Variants in ANKRD26 observed in about 807,000 individuals in gnomAD.
ANKRD26 encodes the protein ankyrin repeat domain-containing protein 26.
Under a neutral mutation model 208.7 loss-of-function variants are expected in ANKRD26, and 141 were observed. The ratio of observed to expected loss-of-function variants is 0.68; its 90% confidence interval spans 0.59 to 0.78. The LOEUF is 0.78. ANKRD26 is among the 30% of genes least tolerant of loss of function. The pLI, the probability that ANKRD26 is intolerant of heterozygous loss-of-function variation, is 0.00. For synonymous variants in ANKRD26, 636 were observed against 660.4 expected (o/e 0.96, Z 0.57); for missense variants, 1,889 against 1,938.7 (o/e 0.97, Z 0.48).
At chr10:26,970,536 G>A (rs1228069617), downstream of ANKRD26, among the ~76,000 whole-genome samples, 1 of 152,086 alleles carries the variant, frequency 6.6e-6, no homozygotes, top group African/African-American at 2.4e-5. Context: ...TGGAAGCTTC[G>A]TGAGGTCCCC....
rs2052908950 is a variant in ANKRD26, at chr10:27,006,974, C to CTT, written c.4954-13_4954-12insAA. On this transcript the variant is annotated splice_polypyrimidine_tract_variant and intron_variant, in intron 32 of 33. Transcript: ENST00000376087. ...AACTCCTGCTGCATCTGAAAAAAGT[C>CTT]AAATGTTATTTATAATGTTTAAGTT... The CTT allele has an allele frequency of 6.3e-7, 1 of 1,593,444 alleles. No individual in the cohort carries two copies. The highest frequency in any genetic ancestry group is 8.6e-7 in the Non-Finnish European group (1 of 1,163,042).
At chr10:27,073,715 A>C (rs2055588106) in intron 9 of ANKRD26, among the ~76,000 whole-genome samples, 1 of 152,154 alleles carries the variant, frequency 6.6e-6, no homozygotes, top group African/African-American at 2.4e-5. Flanking sequence ...AATACTGGGG[A>C]AAAAAATGTT....
In ANKRD26 at chr10:27,092,597, C is replaced by T. The variant is rs549200042; in HGVS notation, c.532-85G>A. ...AAAACTCTATGTCAGATCCTTTGAA[C>T]TGAAACATATAAAATAGAAAACAAA... On this transcript the variant is annotated intron_variant, in intron 3 of 33. Transcript: ENST00000376087. 4.4e-5 allele frequency: 43 copies of T among 987,562 alleles called. 1 individual carries two copies. In the South Asian group the frequency reaches 5.8e-4, roughly 13 times the overall value. 61.2% of individuals were successfully genotyped at this position (987,562 alleles called of 1,614,324 possible).
rs774410667 is a variant in ANKRD26 at position 26,995,155 on chromosome 10, A to C, written c.563-8T>G. 3.8e-5 allele frequency: 18 copies of C among 471,088 alleles called. No homozygotes were observed. In the Middle Eastern group the frequency reaches 3.2e-3, roughly 84 times the overall value. The allele number at this position is 471,088 out of a possible 1,614,324, so 29.2% of individuals were successfully genotyped here. A position where few individuals can be genotyped will look rare whatever the true frequency, so the allele number is the denominator to read the frequency against. On this transcript the variant is annotated splice_region_variant and splice_polypyrimidine_tract_variant and intron_variant, in intron 4 of 5. Coordinates refer to the ANKRD26 transcript ENST00000445828. ...GGTTTCATCAGAAGGTCCCTGGAAT[A>C]GAGTGGCAGGATTAAGGTAATTACA...
chr10:27,028,914 T>C lies in ANKRD26; in HGVS notation c.3910A>G (p.Thr1304Ala), dbSNP rs748326243. 3.1e-6 allele frequency: 5 copies of C among 1,612,510 alleles called. No individual in the cohort carries two copies. The highest frequency in any genetic ancestry group is 3.4e-6 in the Non-Finnish European group (4 of 1,179,204). The change falls in exon 27 of 34, where the codon ACA (threonine) becomes GCA (alanine). Residue 1304 changes from threonine to alanine, a missense_variant. By Grantham distance (58) the Thr-to-Ala change is moderately conservative. Around this residue, in one of 3 missense-constraint regions of ANKRD26, gnomAD observed 613 missense variants for 648.2 expected, o/e 0.95. Transcript: ENST00000376087. ...ATTTTGTCCATTTGCTTTTTGACTG[T>C]AACTTTTAACTTGGCATTATCTTTT... is the stretch of plus-strand genomic sequence containing the variant. ...LEKDNAKLKV[T>A]VKKQMDKIEE...
intron 18 of ANKRD26, among the ~76,000 whole-genome samples, chr10:27,045,589 T>A (rs1404018527): frequency 6.6e-6 from 1 of 152,154 alleles, no homozygotes; most frequent in Non-Finnish European, 1.5e-5. Context: ...AATCCTCCCC[T>A]TCTCCCCAGA....
intron 12 of ANKRD26, 40 bp downstream of exon 12, chr10:27,063,946 ACT>A: frequency 1.4e-6 from 2 of 1,468,892 alleles, no homozygotes; most frequent in Non-Finnish European, 1.9e-6. Context: ...TTAAATAAAC[ACT>A]CTGTCCAATG....
intron 3 of ANKRD26, among the ~76,000 whole-genome samples, chr10:27,093,008 G>A (rs12266594): frequency 0.081 from 12,354 of 152,042 alleles, 765 homozygotes; most frequent in African/African-American, 0.18. Flanking sequence ...GCTTGAACCC[G>A]GGAGGCAGAG....
At chr10:27,095,000 CA>C (rs752989150) in intron 1 of ANKRD26, among the ~76,000 whole-genome samples, 257 of 97,576 alleles carry the variant, frequency 2.6e-3, no homozygotes, top group Middle Eastern at 6.8e-3. Flanking sequence ...ACCCTGTCTA[CA>C]AAAAAAAAAA....
At chr10:27,084,694 C>A (rs1054128211) in intron 5 of ANKRD26, among the ~76,000 whole-genome samples, 2 of 151,998 alleles carry the variant, frequency 1.3e-5, no homozygotes, top group Non-Finnish European at 2.9e-5. Context: ...CATGGTAAAA[C>A]CCTATCTCAA....
At chr10:27,084,738 G>A (rs891937615) in intron 5 of ANKRD26, among the ~76,000 whole-genome samples, 58 of 151,880 alleles carry the variant, frequency 3.8e-4, no homozygotes, top group African/African-American at 1.4e-3. Flanking sequence ...GCATGGTGGC[G>A]GGCACCTGTA....
At chr10:26,990,120 G>T (rs969364619), downstream of ANKRD26, among the ~76,000 whole-genome samples, 1 of 152,122 alleles carries the variant, frequency 6.6e-6, no homozygotes, top group African/African-American at 2.4e-5. Flanking sequence ...TTCCATCCTA[G>T]TTCCCAGGTG....
chr10:27,044,605 C>T (rs996741830), intron 18 of ANKRD26, among the ~76,000 whole-genome samples: 2 of 151,960 alleles, frequency 1.3e-5, no homozygotes, highest in African/African-American at 4.8e-5. Flanking sequence ...ACTTAACACC[C>T]TTACATGATG....
At chr10:26,992,469 T>TACACACACACACAC (rs61459601) in intron 5 of ANKRD26, among the ~76,000 whole-genome samples, 2 of 136,308 alleles carry the variant, frequency 1.5e-5, no homozygotes, top group Non-Finnish European at 3.2e-5. Flanking sequence ...TACACACACG[T>TACACACACACACAC]ACACACACAC....
At chr10:26,949,434 T>G in the ANKRD26 span, among the ~76,000 whole-genome samples, 13 of 151,600 alleles carry the variant, frequency 8.6e-5, no homozygotes, top group Middle Eastern at 3.2e-3. Flanking sequence ...TATCACATTA[T>G]TCAGTTTTCA....
chr10:26,993,237 C>A (rs12571317), intron 5 of ANKRD26, among the ~76,000 whole-genome samples: 3,175 of 152,232 alleles, frequency 0.021, 170 homozygotes, highest in East Asian at 0.17. Context: ...TCATCTTAAC[C>A]ATCCTGGGGG....
chr10:27,083,011 A>G (rs1455923078), intron 5 of ANKRD26, among the ~76,000 whole-genome samples, 178 bp from the exon 6 acceptor site: 1 of 152,094 alleles, frequency 6.6e-6, no homozygotes, highest in Non-Finnish European at 1.5e-5. Context: ...GAAAAAAGTT[A>G]ATCTTCCCTG....
Position 27,092,386 on chromosome 10 carries a change from A to G in ANKRD26, c.638+20T>C. On this transcript the variant is annotated intron_variant, in intron 4 of 33. Transcript: ENST00000376087. ...TAAACATACAAGTTTAAAAATCCAA[A>G]ACAAAACCAGCTACTGTACCTTTCC... The G allele has an allele frequency of 6.4e-7, 1 of 1,574,718 alleles. No individual in the cohort carries two copies. Among genetic ancestry groups the G allele is most frequent in the Non-Finnish European group, 8.7e-7 (1 of 1,147,762 alleles).
At chr10:26,991,625 A>G (rs1000551513), downstream of ANKRD26, among the ~76,000 whole-genome samples, 3 of 152,134 alleles carry the variant, frequency 2.0e-5, no homozygotes, top group African/African-American at 7.2e-5. Flanking sequence ...TATTTTTAGT[A>G]AAGACGAGGT....
Sources: gnomAD v4.1 joint callset for allele counts (sites outside exome capture counted in the v4.1 genomes callset) on GRCh38, gnomAD v4.1.1 for gene constraint, gnomAD v4.1.1 regional missense constraint, MANE v1.5 for transcripts, NCBI Gene and HGNC (gene_info 2026-07-23, HGNC 2026-07-21) for gene names.